The following ARHGAP42 variants were observed in gnomAD, a reference collection of about 807,000 sequenced individuals.
ARHGAP42 encodes the protein rho GTPase-activating protein 42.
A neutral mutation model predicts 125.0 loss-of-function variants in ARHGAP42; 63 were observed. That is an observed-to-expected ratio of 0.50 (90% CI 0.41 to 0.62). ARHGAP42 has a LOEUF of 0.62. Ranked by LOEUF, ARHGAP42 falls within the 20% of genes least tolerant of loss-of-function variation. The pLI is 0.00. For synonymous variants in ARHGAP42, 339 were observed against 351.0 expected (o/e 0.97, Z 0.38); for missense variants, 766 against 1,024.2 (o/e 0.75, Z 3.44).
At chr11:100,747,831 C>CAT (rs75695106) in intron 1 of ARHGAP42, among the ~76,000 whole-genome samples, 2 of 151,822 alleles carry the variant, frequency 1.3e-5, no homozygotes, top group African/African-American at 2.4e-5. Flanking sequence ...CCTTTTATAA[C>CAT]TTTTTTTTCA....
chr11:100,819,499 A>G (rs17095535), intron 3 of ARHGAP42, among the ~76,000 whole-genome samples: 1 of 151,948 alleles, frequency 6.6e-6, no homozygotes, highest in African/African-American at 2.4e-5. Context: ...ATAGTAGGAA[A>G]TTTGCTGAGT....
At chr11:100,707,581 G>C (rs1476361536) in intron 1 of ARHGAP42, among the ~76,000 whole-genome samples, 4 of 152,178 alleles carry the variant, frequency 2.6e-5, no homozygotes, top group African/African-American at 9.7e-5. Context: ...AGTGCAAAGG[G>C]TGGTAAGAGG....
intron 1 of ARHGAP42, among the ~76,000 whole-genome samples, chr11:100,758,054 A>G (rs992959013): frequency 6.6e-6 from 1 of 152,248 alleles, no homozygotes; most frequent in Non-Finnish European, 1.5e-5. Flanking sequence ...CTAATATTAA[A>G]CACTTTCATT....
At chr11:100,811,980 A>G (rs1372904304) in intron 3 of ARHGAP42, among the ~76,000 whole-genome samples, 8 of 152,002 alleles carry the variant, frequency 5.3e-5, no homozygotes, top group Admixed American at 4.6e-4. Context: ...ATTGCTTTTC[A>G]TAGAGATGGG....
intron 5 of ARHGAP42, among the ~76,000 whole-genome samples, chr11:100,918,704 T>C (rs930277810): frequency 6.6e-6 from 1 of 152,238 alleles, no homozygotes; most frequent in Non-Finnish European, 1.5e-5. Flanking sequence ...AATTAAACTG[T>C]CATATTCCTT....
At chr11:100,744,007 G>C (rs7120147) in intron 1 of ARHGAP42, among the ~76,000 whole-genome samples, 49,726 of 152,060 alleles carry the variant, frequency 0.33, 8,226 homozygotes, top group African/African-American at 0.37. Flanking sequence ...GTCTCGCTCT[G>C]CTGCCCAGGC....
At chr11:100,805,318 A>G (rs1286497065) in intron 3 of ARHGAP42, among the ~76,000 whole-genome samples, 1 of 152,204 alleles carries the variant, frequency 6.6e-6, no homozygotes, top group African/African-American at 2.4e-5. Flanking sequence ...TAACTAACAT[A>G]TATTGTTGAT....
chr11:100,736,653 G>T (rs1450918443), intron 1 of ARHGAP42, among the ~76,000 whole-genome samples: 1 of 152,166 alleles, frequency 6.6e-6, no homozygotes, highest in Non-Finnish European at 1.5e-5. Context: ...ACAGGCATCT[G>T]CCACTTGCAG....
chr11:100,951,312 T>TA (rs746582220), intron 12 of ARHGAP42, among the ~76,000 whole-genome samples: 52 of 152,170 alleles, frequency 3.4e-4, no homozygotes, highest in Non-Finnish European at 6.6e-4. Context: ...GGAAAGTGAT[T>TA]AGTATAAAAT....
chr11:100,870,118 A>T (rs1395825714), intron 4 of ARHGAP42, among the ~76,000 whole-genome samples: 1 of 152,168 alleles, frequency 6.6e-6, no homozygotes, highest in Non-Finnish European at 1.5e-5. Flanking sequence ...TTCATTTTTC[A>T]GTGATCAACC....
chr11:100,718,546 A>C (rs890237976), intron 1 of ARHGAP42, among the ~76,000 whole-genome samples: 1 of 152,214 alleles, frequency 6.6e-6, no homozygotes, highest in Admixed American at 6.5e-5. Flanking sequence ...AAGATAAATA[A>C]ATTGGACAAG....
At chr11:100,934,524 C>A (rs562959157) in intron 7 of ARHGAP42, among the ~76,000 whole-genome samples, 26 of 152,264 alleles carry the variant, frequency 1.7e-4, no homozygotes, top group African/African-American at 5.5e-4. Context: ...CATAGCTATA[C>A]AAATTCTGAT....
At chr11:100,731,948 T>G (rs1861966191) in intron 1 of ARHGAP42, among the ~76,000 whole-genome samples, 1 of 152,008 alleles carries the variant, frequency 6.6e-6, no homozygotes, top group Non-Finnish European at 1.5e-5. Context: ...TTAACTCTTT[T>G]TTTTTTCTTT....
At chr11:100,735,243 G>A (rs572875267) in intron 1 of ARHGAP42, among the ~76,000 whole-genome samples, 1 of 152,314 alleles carries the variant, frequency 6.6e-6, no homozygotes, top group East Asian at 1.9e-4. Flanking sequence ...TTTTAAGCAT[G>A]TGGAGTTTAA....
intron 3 of ARHGAP42, among the ~76,000 whole-genome samples, chr11:100,810,684 C>T (rs1485755128): frequency 6.6e-6 from 1 of 152,156 alleles, no homozygotes; most frequent in East Asian, 1.9e-4. Context: ...ATTCACTTTA[C>T]ATTTTACCTA....
chr11:100,893,158 G>GGGGTGT (rs1555018918), intron 4 of ARHGAP42, among the ~76,000 whole-genome samples: 4 of 147,090 alleles, frequency 2.7e-5, no homozygotes, highest in African/African-American at 5.0e-5. Context: ...AACATTTAGG[G>GGGGTGT]GTGTGTGTGT....
chr11:100,875,158 A>G lies in ARHGAP42; in HGVS notation c.384+15533A>G, dbSNP rs1252811414. ...GTGTGTGTGTGTGTGTGTGTGGCTC[A>G]TGAACTATGAATGGTTGTTACATTT... On this transcript the variant is annotated intron_variant, in intron 4 of 23. Transcript: ENST00000298815. 1.0e-4 allele frequency among the ~76,000 whole-genome samples: 14 copies of G among 139,918 alleles called. No homozygotes were observed. In the Admixed American group the frequency reaches 1.0e-3, roughly 10 times the overall value. The allele number at this position is 139,918 out of a possible 152,430, so 91.8% of individuals were successfully genotyped here. A position where few individuals can be genotyped will look rare whatever the true frequency, so the allele number is the denominator to read the frequency against.
chr11:100,829,843 AAGTTTATTTTT>A (rs1426361449), intron 3 of ARHGAP42, among the ~76,000 whole-genome samples: 1 of 152,152 alleles, frequency 6.6e-6, no homozygotes, highest in East Asian at 1.9e-4. Context: ...CTTTACTCTG[AAGTTTATTTTT>A]AACAAAATTC....
chr11:100,863,077 CACACAA>C (rs1380175031), intron 4 of ARHGAP42, among the ~76,000 whole-genome samples: 12 of 100,324 alleles, frequency 1.2e-4, no homozygotes, highest in East Asian at 7.6e-4. Flanking sequence ...CACACACACA[CACACAA>C]CAACAAAAAA....
Sources: gnomAD v4.1 joint callset for allele counts (sites outside exome capture counted in the v4.1 genomes callset) on GRCh38, gnomAD v4.1.1 for gene constraint, MANE v1.5 for transcripts, NCBI Gene and HGNC (gene_info 2026-07-23, HGNC 2026-07-21) for gene names.